EGFR: variants seen among roughly 807,000 people sequenced by gnomAD.
The protein encoded by EGFR is avian erythroblastic leukemia viral (v-erb-b) oncogene homolog.
In EGFR, 58 loss-of-function variants were observed where a neutral mutation model predicts 143.0. The ratio of observed to expected loss-of-function variants is 0.41; its 90% CI spans 0.33 to 0.50. EGFR has a LOEUF of 0.50. Among genes scored for constraint, EGFR ranks in the 20% least tolerant of loss-of-function variants. EGFR has a pLI of 0.39. For synonymous variants in EGFR, 613 were observed against 594.4 expected (o/e 1.03, Z -0.45); for missense variants, 1,307 against 1,579.0 (o/e 0.83, Z 2.92).
chr7:55,055,408 T>C (rs1477686485), intron 1 of EGFR, among the ~76,000 whole-genome samples: 1 of 152,174 alleles, frequency 6.6e-6, no homozygotes, highest in African/African-American at 2.4e-5. Flanking sequence ...TCTGGTCATG[T>C]TACCAGCCTT....
chr7:55,051,931 TA>T (rs1788514848), intron 1 of EGFR, among the ~76,000 whole-genome samples: 1 of 152,212 alleles, frequency 6.6e-6, no homozygotes, highest in Non-Finnish European at 1.5e-5. Context: ...GCAGAATTAT[TA>T]GTTTGCTCTT....
intron 15 of EGFR, chr7:55,170,612 G>C (rs1281861228): frequency 1.4e-5 from 22 of 1,605,262 alleles, no homozygotes; most frequent in South Asian, 6.6e-5. Flanking sequence ...TGGGCCGCCA[G>C]GTTCCCAAGA....
intron 1 of EGFR, among the ~76,000 whole-genome samples, chr7:55,093,066 C>T (rs1299145325): frequency 6.6e-6 from 1 of 152,198 alleles, no homozygotes; most frequent in African/African-American, 2.4e-5. Context: ...CTATTTTAAT[C>T]AAAAGAATCC....
intron 10 of EGFR, 116 bp from the exon 11 acceptor site, chr7:55,157,547 A>C: frequency 1.1e-6 from 1 of 881,984 alleles, no homozygotes; most frequent in Non-Finnish European, 1.9e-6. Context: ...AAGCAAATCC[A>C]ATTTTCCCAC....
intron 15 of EGFR, chr7:55,170,399 G>C (rs762236315): frequency 1.2e-6 from 2 of 1,614,052 alleles, no homozygotes; most frequent in African/African-American, 2.7e-5. Flanking sequence ...TCCCACCAGA[G>C]CGGGAGCCCA....
At chr7:55,178,636 T>C (rs1315160686) in intron 19 of EGFR, among the ~76,000 whole-genome samples, 1 of 152,226 alleles carries the variant, frequency 6.6e-6, no homozygotes, top group Non-Finnish European at 1.5e-5. Flanking sequence ...ATACGCTTCC[T>C]GGCCCTGTCC....
chr7:55,174,899 T>C, intron 19 of EGFR, 79 bp downstream of exon 19: 1 of 1,115,484 alleles, frequency 9.0e-7, no homozygotes, highest in Non-Finnish European at 1.4e-6. Context: ...GCAGCTGCTC[T>C]GCTCTAGACC....
chr7:55,092,788 G>A (rs1325749035), intron 1 of EGFR, among the ~76,000 whole-genome samples: 1 of 152,258 alleles, frequency 6.6e-6, no homozygotes, highest in Non-Finnish European at 1.5e-5. Flanking sequence ...CTCCTGGCAG[G>A]GCCAGCGGGC....
intron 1 of EGFR, among the ~76,000 whole-genome samples, chr7:55,036,641 T>A (rs1787602608): frequency 6.6e-6 from 1 of 152,158 alleles, no homozygotes; most frequent in African/African-American, 2.4e-5. Flanking sequence ...GGCTTTAAAG[T>A]CAAGGCAATG....
At chr7:55,051,964 C>T (rs1296347153) in intron 1 of EGFR, among the ~76,000 whole-genome samples, 1 of 152,238 alleles carries the variant, frequency 6.6e-6, no homozygotes. Context: ...TCCAGCTAGA[C>T]TATCAACTCC....
At chr7:55,165,899 C>T (rs1355310580) in intron 15 of EGFR, among the ~76,000 whole-genome samples, 1 of 152,160 alleles carries the variant, frequency 6.6e-6, no homozygotes, top group Non-Finnish European at 1.5e-5. Flanking sequence ...TACTTTGGGC[C>T]AGACGCAGTG....
At chr7:55,178,506 G>A (rs1173025800) in intron 19 of EGFR, among the ~76,000 whole-genome samples, 3 of 152,156 alleles carry the variant, frequency 2.0e-5, no homozygotes, top group African/African-American at 7.2e-5. Flanking sequence ...GGCCATGGAG[G>A]GAGCCAGGGT....
rs41466248 is a variant in EGFR at position 55,200,654 on chromosome 7, G to A, written c.2946+241G>A. 2.5e-3 allele frequency: 1,452 copies of A among 581,278 alleles called. 15 individuals carry two copies. The highest frequency in any genetic ancestry group is 0.024 in the African/African-American group (1,291 of 53,900). The allele number at this position is 581,278 out of a possible 1,614,324, so 36.0% of individuals were successfully genotyped here. A position where few individuals can be genotyped will look rare whatever the true frequency, so the allele number is the denominator to read the frequency against. On this transcript the variant is annotated intron_variant, in intron 24 of 27. Coordinates refer to ENST00000275493, the MANE Select transcript of EGFR (RefSeq NM_005228.5). Reference sequence around the variant, plus strand: ...CCGTCTGAACTCTCCTCTGGTGCTCGTCCTCACTGTCCGGCTAGCCAAAGC... The same window carrying A: ...CCGTCTGAACTCTCCTCTGGTGCTCATCCTCACTGTCCGGCTAGCCAAAGC...
intron 20 of EGFR, among the ~76,000 whole-genome samples, chr7:55,186,014 G>A (rs934759560): frequency 2.0e-5 from 3 of 152,194 alleles, no homozygotes; most frequent in African/African-American, 4.8e-5. Flanking sequence ...AGAGGAAGAT[G>A]AGCTGAGTGG....
In EGFR at chr7:55,171,213, GGTAAGT is replaced by G. The variant is rs1461203826; in HGVS notation, c.1919+3_1919+8del. The G allele has an allele frequency of 6.2e-7, 1 of 1,614,192 alleles. No individual in the cohort carries two copies. The highest frequency in any genetic ancestry group is 8.5e-7 in the Non-Finnish European group (1 of 1,180,032). On this transcript the variant is annotated splice_donor_variant and splice_donor_5th_base_variant and intron_variant, in intron 16 of 27. Transcript: ENST00000275493. LOFTEE classifies it high-confidence loss of function. ...GGTCTTGAAGGCTGTCCAACGAATG[GGTAAGT>G]GTTCACAGCTCTGTGTCACATGGAC...
intron 1 of EGFR, among the ~76,000 whole-genome samples, chr7:55,032,319 C>CG (rs1478783036): frequency 6.6e-6 from 1 of 152,178 alleles, no homozygotes; most frequent in African/African-American, 2.4e-5. Flanking sequence ...TCATTCAGCC[C>CG]ATCTCTGTCT....
rs766507267 is a variant in EGFR at position 55,151,321 on chromosome 7, A to G, written c.587A>G (p.Asn196Ser). The stretch of plus-strand genomic sequence containing the variant: ...CAAAAGTGTGATCCAAGCTGTCCCA[A>G]TGGGAGCTGCTGGGGTGCAGGAGAG... Reference protein sequence around the residue: ...SCQKCDPSCPNGSCWGAGEEN... With the variant: ...SCQKCDPSCPSGSCWGAGEEN... The change falls in exon 5 of 28, where the codon AAT becomes AGT. Residue 196 changes from asparagine to serine, a missense_variant. Physicochemically the swap from Asn to Ser is conservative, Grantham distance 46. This residue lies in a region of EGFR where 311 missense variants were observed against 412.3 expected (regional missense o/e 0.75). Transcript: ENST00000275493. 15 of 1,614,080 alleles carry G rather than the reference A, an allele frequency of 9.3e-6. 1 individual carries two copies. Among genetic ancestry groups the G allele is most frequent in the Middle Eastern group, 1.6e-4 (1 of 6,084 alleles).
intron 1 of EGFR, among the ~76,000 whole-genome samples, chr7:55,065,811 AT>A: frequency 6.7e-6 from 1 of 149,226 alleles, no homozygotes; most frequent in East Asian, 1.9e-4. Context: ...AGGGGACAAC[AT>A]AGTAAGTGAC....
intron 7 of EGFR, 94 bp from the exon 8 acceptor site, chr7:55,155,736 T>G: frequency 1.1e-6 from 1 of 927,116 alleles, no homozygotes; most frequent in Non-Finnish European, 1.8e-6. Flanking sequence ...GATGGAGCCT[T>G]TCCATCACCC....
Sources: allele counts gnomAD v4.1 joint callset (sites outside exome capture counted in the v4.1 genomes callset), GRCh38; gene constraint gnomAD v4.1.1; regional missense constraint gnomAD v4.1.1; transcripts MANE v1.5; gene names NCBI Gene and HGNC (gene_info 2026-07-23, HGNC 2026-07-21).